ZIM2: variants seen among roughly 807,000 people sequenced by gnomAD.
The protein encoded by ZIM2 is zinc finger imprinted 2.
In ZIM2, 14 loss-of-function variants were observed where a neutral mutation model predicts 38.6. The observed-to-expected ratio is 0.36, with a 90% CI of 0.24 to 0.57. ZIM2 has a LOEUF of 0.57. Among genes scored for constraint, ZIM2 ranks in the 20% least tolerant of loss-of-function variants. ZIM2 has a pLI of 0.81. For missense variants in ZIM2, 680 were observed against 695.1 expected, an observed-to-expected ratio of 0.98 and a Z score of 0.24; for synonymous variants, 247 against 245.8, an observed-to-expected ratio of 1.00 and a Z score of -0.04.
rs751139519 is a variant in ZIM2 at position 56,814,789 on chromosome 19, G to A, written c.490+2957C>T. The A allele has an allele frequency of 6.2e-7, 1 of 1,614,162 alleles. No homozygotes were observed. The highest frequency in any genetic ancestry group is 2.2e-5 in the East Asian group (1 of 44,878). On this transcript the variant is annotated intron_variant, in intron 9 of 12. Coordinates refer to ENST00000629319, the MANE Select transcript of ZIM2 (RefSeq NM_001387356.1). This position sits in a 1 kb window ranked among gnomAD's most constrained non-coding sequence, Gnocchi z 5.8. The stretch of plus-strand genomic sequence containing the variant: ...TCGAATGGCCGACCCAGCAAGAGCA[G>A]GATTCCTCTCTGCAGCACGATTCCT...
chr19:56,813,705 G>A (rs143583223), intron 9 of ZIM2: 21 of 1,613,750 alleles, frequency 1.3e-5, no homozygotes, highest in East Asian at 2.2e-5. Context: ...GGTGTCTGGC[G>A]AGGGACAGGC....
chr19:56,810,779 G>C, intron 9 of ZIM2: 10 of 978,838 alleles, frequency 1.0e-5, no homozygotes, highest in Non-Finnish European at 1.2e-5. Flanking sequence ...AGAGGAAACA[G>C]ATCAAGATGT....
chr19:56,826,594 G>A (rs1372607174), intron 2 of ZIM2, 131 bp from the exon 3 acceptor site: 3 of 152,270 alleles, frequency 2.0e-5, no homozygotes, highest in Admixed American at 6.5e-5. Context: ...CTATACCTTC[G>A]GGGAAAGGCC....
At chr19:56,815,752 T>C (rs138326745) in intron 9 of ZIM2, 1 of 1,614,038 alleles carries the variant, frequency 6.2e-7, no homozygotes, top group African/African-American at 1.3e-5. Context: ...GAATACACTC[T>C]GTATGACAGA....
intron 9 of ZIM2, among the ~76,000 whole-genome samples, chr19:56,796,813 C>T (rs544813321): frequency 2.0e-5 from 3 of 152,320 alleles, no homozygotes; most frequent in South Asian, 2.1e-4. Context: ...AGGCAAGTCA[C>T]AGAGCATGGT....
At chr19:56,822,937 TC>T in intron 5 of ZIM2, 101 bp from the exon 6 acceptor site, 2 of 1,473,356 alleles carry the variant, frequency 1.4e-6, no homozygotes, top group Non-Finnish European at 1.8e-6. Flanking sequence ...GCTACCCTCT[TC>T]CCACAAGGAG....
chr19:56,827,608 T>C (rs930176683), intron 2 of ZIM2, among the ~76,000 whole-genome samples: 2 of 152,236 alleles, frequency 1.3e-5, no homozygotes, highest in African/African-American at 2.4e-5. Flanking sequence ...AAAGTGCACA[T>C]ATCCTCCTCT....
At chr19:56,788,490 T>G (rs1420876882) in intron 10 of ZIM2, among the ~76,000 whole-genome samples, 1 of 152,226 alleles carries the variant, frequency 6.6e-6, no homozygotes, top group East Asian at 1.9e-4. Context: ...CTCTTCTGGC[T>G]TGTAGGGTTT....
At chr19:56,839,632 C>T (rs756086008) in intron 1 of ZIM2, among the ~76,000 whole-genome samples, 9 of 152,204 alleles carry the variant, frequency 5.9e-5, no homozygotes, top group African/African-American at 2.2e-4. Flanking sequence ...TCAACTAGAA[C>T]AGCGCCTACT....
rs753853974 is a variant in ZIM2, at chr19:56,816,913, C to A, written c.490+833G>T. On this transcript the variant is annotated intron_variant, in intron 9 of 12. Transcript: ENST00000629319. The stretch of plus-strand genomic sequence containing the variant: ...GGCACTCTTATTGAAGGTCTCTCCA[C>A]AGTCCTTACATTCAAAACGTTTCCC... 4 of 1,614,208 alleles carry A rather than the reference C, an allele frequency of 2.5e-6. No homozygotes were observed. In the Admixed American group the frequency reaches 6.7e-5, roughly 27 times the overall value.
chr19:56,786,560 T>A lies in ZIM2; in HGVS notation c.570+3312A>T, dbSNP rs117342608. Among the ~76,000 whole-genome samples, 695 of 152,302 alleles carry A rather than the reference T, an allele frequency of 4.6e-3. 10 individuals are homozygous for A. The East Asian group carries it at 0.047, about 10-fold the overall frequency. The stretch of plus-strand genomic sequence containing the variant: ...AGGACATAACTACCTTTCCTTTTTT[T>A]AAAATTCTGGACTATTCTAGCCTAT... On this transcript the variant is annotated intron_variant, in intron 10 of 12. Coordinates refer to ENST00000629319, the MANE Select transcript of ZIM2 (RefSeq NM_001387356.1).
At chr19:56,781,172 T>A (rs1300260443) in intron 11 of ZIM2, among the ~76,000 whole-genome samples, 1 of 152,206 alleles carries the variant, frequency 6.6e-6, no homozygotes, top group Non-Finnish European at 1.5e-5. Context: ...GTTAAACATA[T>A]GCATCCCTGT....
At chr19:56,811,969 C>A in intron 9 of ZIM2, 1 of 985,426 alleles carries the variant, frequency 1.0e-6, no homozygotes, top group Non-Finnish European at 1.2e-6. Context: ...CTACAATCTT[C>A]CTAAACTTTG....
rs146845242 is a variant in ZIM2 at position 56,780,671 on chromosome 19, C to A, written c.740-1199G>T. Among the ~76,000 whole-genome samples the A allele has an allele frequency of 1.9e-4, 29 of 152,280 alleles. No homozygotes were observed. In the East Asian group the frequency reaches 5.6e-3, roughly 29 times the overall value. On this transcript the variant is annotated intron_variant, in intron 11 of 12. Coordinates refer to ENST00000629319, the MANE Select transcript of ZIM2 (RefSeq NM_001387356.1). ...TAACAGAAACTAAGGTTATTGAGTG[C>A]TAGCTAGCTTCTGTTGCCTATCTAA...
intron 10 of ZIM2, among the ~76,000 whole-genome samples, chr19:56,788,814 T>C (rs145337857): frequency 0.016 from 2,494 of 152,150 alleles, 80 homozygotes; most frequent in African/African-American, 0.057. Context: ...TCTTTTCACA[T>C]AGTCCCATAT....
At chr19:56,807,317 A>G (rs1383779059) in intron 9 of ZIM2, among the ~76,000 whole-genome samples, 1 of 152,224 alleles carries the variant, frequency 6.6e-6, no homozygotes, top group African/African-American at 2.4e-5. Context: ...CTTCCTCATG[A>G]TGGGATGAGG....
intron 2 of ZIM2, among the ~76,000 whole-genome samples, chr19:56,826,665 A>G (rs2061067208): frequency 6.6e-6 from 1 of 152,226 alleles, no homozygotes; most frequent in African/African-American, 2.4e-5. Context: ...AACTGTCTTT[A>G]TGAAACCAGA....
intron 9 of ZIM2, chr19:56,790,927 C>T (rs752924690): frequency 6.6e-6 from 1 of 152,108 alleles, no homozygotes; most frequent in Non-Finnish European, 1.5e-5. Context: ...ATATTTTTCA[C>T]TCGTTGATCT....
chr19:56,818,530 T>TA, intron 8 of ZIM2, 70 bp downstream of exon 8: 1 of 1,546,898 alleles, frequency 6.5e-7, no homozygotes, highest in South Asian at 1.1e-5. Context: ...ACATCCAGCT[T>TA]AAAAAGGAGC....
Sources: gnomAD v4.1 joint callset for allele counts (sites outside exome capture counted in the v4.1 genomes callset) on GRCh38, gnomAD v4.1.1 for gene constraint, Gnocchi (gnomAD v3.1) non-coding constraint, MANE v1.5 for transcripts, NCBI Gene and HGNC (gene_info 2026-07-23, HGNC 2026-07-21) for gene names.